The following D2HGDH variants were observed in gnomAD, a reference collection of about 807,000 sequenced individuals.
D2HGDH encodes D-2-hydroxyglutarate dehydrogenase, mitochondrial.
Under a neutral mutation model 46.9 loss-of-function variants are expected in D2HGDH, and 31 were observed. The ratio of observed to expected loss-of-function variants is 0.66; its 90% CI spans 0.50 to 0.89. D2HGDH has a LOEUF of 0.89. Among genes scored for constraint, D2HGDH ranks in the 40% least tolerant of loss-of-function variants. The pLI is 0.00. For missense variants in D2HGDH, 698 were observed against 720.8 expected (o/e 0.97, Z 0.36); for synonymous variants, 364 against 332.6 (o/e 1.09, Z -1.03).
chr2:241,740,453 A>G (rs534152644), intron 2 of D2HGDH, among the ~76,000 whole-genome samples: 23 of 152,298 alleles, frequency 1.5e-4, no homozygotes, highest in African/African-American at 5.5e-4. Context: ...ACTCTCATCC[A>G]TGGGCCCAGC....
At chr2:241,761,813 C>G (rs1205910802) in intron 9 of D2HGDH, among the ~76,000 whole-genome samples, 1 of 152,068 alleles carries the variant, frequency 6.6e-6, no homozygotes, top group East Asian at 1.9e-4. Flanking sequence ...AGAATTTTCC[C>G]TGGCATGGAA....
chr2:241,745,253 G>A (rs968984212), intron 6 of D2HGDH, among the ~76,000 whole-genome samples: 1 of 152,180 alleles, frequency 6.6e-6, no homozygotes. Context: ...TGGGGATAAA[G>A]AATTCCCTCC....
In D2HGDH at chr2:241,751,352, C is replaced by T. The variant is rs779689966; in HGVS notation, c.1104C>T (p.Thr368=). 2.6e-5 allele frequency: 42 copies of T among 1,613,584 alleles called. 1 individual carries two copies. Among genetic ancestry groups the T allele is most frequent in the South Asian group, 9.9e-5 (9 of 91,076 alleles). The change falls in exon 8 of 10, where the codon ACC becomes ACT. Residue 368 remains threonine, a synonymous_variant. Coordinates refer to ENST00000321264, the MANE Select transcript of D2HGDH (RefSeq NM_152783.5). ...ACGCGCTGGGCTCCGGCCTGGTGAC[C>T]GATGGGACCATGGCCACCGACCAGA... ...LEHALGSGLV[T]DGTMATDQRK...
chr2:241,744,612 C>A, intron 5 of D2HGDH, 97 bp from the exon 6 acceptor site: 2 of 1,450,516 alleles, frequency 1.4e-6, no homozygotes, highest in Non-Finnish European at 1.9e-6. Context: ...CTTGGCATGA[C>A]CTCAGGCTGC....
intron 5 of D2HGDH, among the ~76,000 whole-genome samples, chr2:241,744,131 G>A (rs1695259673): frequency 6.6e-6 from 1 of 152,194 alleles, no homozygotes; most frequent in African/African-American, 2.4e-5. Context: ...GGCTCATCCA[G>A]GGTCAGCTTC....
rs1354782799 is a variant in D2HGDH, at chr2:241,742,945, G to C, written c.490+371G>C. Reference sequence around the variant, plus strand: ...GAGGGGATCCTGACCCAGGGCGCCAGGGCGTGGCAGGCGTGAGGGGATCCT... The same window carrying C: ...GAGGGGATCCTGACCCAGGGCGCCACGGCGTGGCAGGCGTGAGGGGATCCT... On this transcript the variant is annotated intron_variant, in intron 4 of 9. Transcript: ENST00000321264. The surrounding 1 kb of genome is among the most constrained non-coding windows in gnomAD (Gnocchi z 4.8). 8.0e-6 allele frequency among the ~76,000 whole-genome samples: 1 copy of C among 125,022 alleles called. No individual in the cohort carries two copies. The highest frequency in any genetic ancestry group is 1.6e-5 in the Non-Finnish European group (1 of 61,080). 82.0% of individuals were successfully genotyped at this position (125,022 alleles called of 152,430 possible).
intron 6 of D2HGDH, among the ~76,000 whole-genome samples, chr2:241,746,038 C>G (rs1462805044): frequency 1.3e-5 from 2 of 152,106 alleles, no homozygotes; most frequent in Non-Finnish European, 2.9e-5. Flanking sequence ...TGTGTACGTT[C>G]TTTTTCATCT....
At chr2:241,753,719 C>T (rs1056607687) in intron 8 of D2HGDH, among the ~76,000 whole-genome samples, 1 of 152,242 alleles carries the variant, frequency 6.6e-6, no homozygotes, top group Non-Finnish European at 1.5e-5. Flanking sequence ...GTAGTGACCA[C>T]GGCGGGTCTC....
chr2:241,757,020 G>T (rs1698254683), intron 9 of D2HGDH, among the ~76,000 whole-genome samples: 1 of 152,186 alleles, frequency 6.6e-6, no homozygotes, highest in Non-Finnish European at 1.5e-5. Flanking sequence ...ATGGGATTCA[G>T]GTGCCACCTC....
At position 241,735,459 on chromosome 2, in the gene D2HGDH, G is replaced by A. The variant is rs1440393180; in HGVS notation, c.235G>A (p.Val79Ile). The change falls in exon 2 of 10, where the codon GTC becomes ATC. Residue 79 changes from valine (V) to isoleucine (I), a missense_variant. By Grantham distance (29) the Val-to-Ile change is conservative. Transcript: ENST00000321264. Reference sequence around the variant, plus strand: ...TGAGCGCATCGTGCCCGGCGGGGTCGTCACGGACCCGGAAGCGCTGCAGGC... The same window carrying A: ...TGAGCGCATCGTGCCCGGCGGGGTCATCACGGACCCGGAAGCGCTGCAGGC... ...AFERIVPGGVVTDPEALQAPN... is the reference protein window; with the variant it reads ...AFERIVPGGVITDPEALQAPN... 1.9e-6 allele frequency: 3 copies of A among 1,609,500 alleles called. No homozygotes were observed. Among genetic ancestry groups the A allele is most frequent in the Non-Finnish European group, 2.5e-6 (3 of 1,179,712 alleles).
chr2:241,750,239 T>A lies in D2HGDH; in HGVS notation c.942T>A (p.Asp314Glu). 6.2e-7 allele frequency: 1 copy of A among 1,613,946 alleles called. No individual in the cohort carries two copies. Among genetic ancestry groups the A allele is most frequent in the East Asian group, 2.2e-5 (1 of 44,890 alleles). ...TCCTGTCTGCATTCGAGTTCATGGA[T>A]GCTGTGTGCATGCAGCTGGTCGGGC... ...GEILSAFEFM[D>E]AVCMQLVGRH... Residue 314 changes from aspartate (D) to glutamate (E), a missense_variant, in exon 7 of 10, where the codon GAT becomes GAA. Transcript: ENST00000321264.
chr2:241,734,647 C>G lies in D2HGDH; in HGVS notation c.-141C>G, dbSNP rs886055845. On this transcript the variant is annotated 5_prime_UTR_variant, in exon 1 of 10. Coordinates refer to ENST00000321264, the MANE Select transcript of D2HGDH (RefSeq NM_152783.5). ...CCCCGCCCACTCCGGCTCGGCGGCT[C>G]TGGGCCTGCGGCGGGCGCTGCGGGT... 3 of 151,318 alleles carry G rather than the reference C, an allele frequency of 2.0e-5. No homozygotes were observed. The highest frequency in any genetic ancestry group is 6.6e-5 in the Admixed American group (1 of 15,120). 9.4% of individuals were successfully genotyped at this position (151,318 alleles called of 1,614,324 possible). A position where few individuals can be genotyped will look rare whatever the true frequency, so the allele number is the denominator to read the frequency against.
intron 6 of D2HGDH, among the ~76,000 whole-genome samples, chr2:241,748,147 G>A (rs1325045310): frequency 6.6e-6 from 1 of 152,028 alleles, no homozygotes; most frequent in Non-Finnish European, 1.5e-5. Context: ...TTGAGACAGA[G>A]TCTCACTCTT....
intron 7 of D2HGDH, 106 bp downstream of exon 7, chr2:241,750,400 G>C: frequency 9.0e-7 from 1 of 1,113,524 alleles, no homozygotes; most frequent in Non-Finnish European, 1.3e-6. Context: ...TGCCCGGGCG[G>C]GCGGGTGGGG....
intron 6 of D2HGDH, chr2:241,748,853 C>G (rs1392367179): frequency 7.8e-7 from 1 of 1,278,726 alleles, no homozygotes; most frequent in Admixed American, 2.5e-5. Flanking sequence ...TCTGATCCCA[C>G]TCCAACTGCA....
Position 241,767,932 on chromosome 2 carries a change from T to C in D2HGDH, c.1529T>C (p.Ile510Thr). 3.1e-6 allele frequency: 5 copies of C among 1,600,112 alleles called. No homozygotes were observed. Among genetic ancestry groups the C allele is most frequent in the Non-Finnish European group, 3.4e-6 (4 of 1,174,734 alleles). The change falls in exon 10 of 10, where the codon ATC becomes ACC. Residue 510 changes from isoleucine (I) to threonine (T), a missense_variant. Physicochemically the swap from Ile to Thr is moderately conservative, Grantham distance 89 (BLOSUM62 -1). Coordinates refer to ENST00000321264, the MANE Select transcript of D2HGDH (RefSeq NM_152783.5). ...QLKALLDPKG[I>T]LNPYKTLPSQ... ...AAGGCCCTGCTGGACCCCAAGGGCA[T>C]CCTCAACCCCTACAAGACGCTGCCC...
At chr2:241,751,912 C>A (rs555105515) in intron 8 of D2HGDH, among the ~76,000 whole-genome samples, 2 of 132,542 alleles carry the variant, frequency 1.5e-5, no homozygotes, top group African/African-American at 6.4e-5. Flanking sequence ...GTCACCGTCA[C>A]CGGGGCCTGG....
chr2:241,749,978 G>T, intron 6 of D2HGDH, 173 bp from the exon 7 acceptor site: 1 of 867,484 alleles, frequency 1.2e-6, no homozygotes, highest in Non-Finnish European at 1.8e-6. Flanking sequence ...CACCAGGCGT[G>T]CACCTGCCAG....
chr2:241,750,824 C>T (rs1697053451), intron 7 of D2HGDH, among the ~76,000 whole-genome samples: 1 of 152,282 alleles, frequency 6.6e-6, no homozygotes. Context: ...TCAAACGATT[C>T]TTCTGCCTCA....
Sources: allele counts gnomAD v4.1 joint callset (sites outside exome capture counted in the v4.1 genomes callset), GRCh38; gene constraint gnomAD v4.1.1; non-coding constraint Gnocchi (gnomAD v3.1); transcripts MANE v1.5; gene names NCBI Gene and HGNC (gene_info 2026-07-23, HGNC 2026-07-21).